CAMK1D: variants seen among roughly 807,000 people sequenced by gnomAD.
The protein encoded by CAMK1D is calcium/calmodulin-dependent protein kinase type 1D.
CAMK1D carries 9 observed loss-of-function variants against 47.7 expected under a neutral mutation model. The ratio of observed to expected loss-of-function variants is 0.19; its 90% CI spans 0.11 to 0.33. The LOEUF is 0.33. Among genes scored for constraint, CAMK1D ranks in the 10% least tolerant of loss-of-function variants. CAMK1D has a pLI of 1.00. For missense variants in CAMK1D, 291 were observed against 488.7 expected (o/e 0.60, Z 3.81); for synonymous variants, 184 against 184.9 (o/e 0.99, Z 0.04).
At chr10:12,723,946 T>A (rs1480776188) in intron 3 of CAMK1D, among the ~76,000 whole-genome samples, 1 of 152,110 alleles carries the variant, frequency 6.6e-6, no homozygotes, top group Admixed American at 6.5e-5. Context: ...TGTGTGATGT[T>A]CCCCTTCCTG....
intron 1 of CAMK1D, among the ~76,000 whole-genome samples, chr10:12,453,240 A>C (rs1833142428): frequency 6.8e-6 from 1 of 146,538 alleles, no homozygotes. Context: ...CCTAGGCTGG[A>C]GTGCAGTGGT....
chr10:12,790,150 C>A (rs960129288), intron 5 of CAMK1D, among the ~76,000 whole-genome samples: 4 of 152,342 alleles, frequency 2.6e-5, no homozygotes, highest in Non-Finnish European at 4.4e-5. Flanking sequence ...GCCCAAGCCC[C>A]CAGCATGGAT....
At chr10:12,827,198 CCCTG>C (rs1833241634) in intron 10 of CAMK1D, among the ~76,000 whole-genome samples, 5 of 151,354 alleles carry the variant, frequency 3.3e-5, no homozygotes, top group African/African-American at 1.2e-4. Flanking sequence ...TCTTTTCCCT[CCCTG>C]CCTCCCTCCT....
intron 3 of CAMK1D, among the ~76,000 whole-genome samples, chr10:12,729,950 G>T (rs757677175): frequency 1.2e-4 from 19 of 152,140 alleles, no homozygotes; most frequent in Non-Finnish European, 2.5e-4. Flanking sequence ...AGCGTTTTAG[G>T]CTCCCCAGGA....
chr10:12,510,656 C>T (rs980358383), intron 1 of CAMK1D, among the ~76,000 whole-genome samples: 3 of 152,184 alleles, frequency 2.0e-5, no homozygotes, highest in East Asian at 1.9e-4. Flanking sequence ...GACCCCCCTA[C>T]GAATTCAGTG....
chr10:12,491,676 A>G (rs1834388008), intron 1 of CAMK1D, among the ~76,000 whole-genome samples: 1 of 152,152 alleles, frequency 6.6e-6, no homozygotes, highest in East Asian at 1.9e-4. Context: ...AATCATGAGC[A>G]TTTCCCGCAG....
chr10:12,402,397 C>T (rs1839261866), intron 1 of CAMK1D, among the ~76,000 whole-genome samples: 1 of 151,462 alleles, frequency 6.6e-6, no homozygotes, highest in Non-Finnish European at 1.5e-5. Context: ...CCATGCCCAG[C>T]TAATTTTTGT....
At chr10:12,533,113 G>C (rs1835861950) in intron 1 of CAMK1D, among the ~76,000 whole-genome samples, 1 of 152,166 alleles carries the variant, frequency 6.6e-6, no homozygotes, top group East Asian at 1.9e-4. Context: ...ATAATTGCTT[G>C]AGGGGATGGG....
At chr10:12,756,226 T>A (rs1052244702) in intron 3 of CAMK1D, among the ~76,000 whole-genome samples, 2 of 152,232 alleles carry the variant, frequency 1.3e-5, no homozygotes, top group African/African-American at 4.8e-5. Context: ...GAATGTGTGG[T>A]TGATATTGTT....
intron 3 of CAMK1D, among the ~76,000 whole-genome samples, chr10:12,735,322 T>TA (rs1322749729): frequency 6.6e-6 from 1 of 151,538 alleles, no homozygotes; most frequent in Non-Finnish European, 1.5e-5. Context: ...CTAAAAATAT[T>TA]AAAAAATTAG....
intron 1 of CAMK1D, among the ~76,000 whole-genome samples, chr10:12,489,659 C>G (rs1002688929): frequency 3.9e-5 from 6 of 152,162 alleles, no homozygotes; most frequent in African/African-American, 1.4e-4. Context: ...GTTGGGGATG[C>G]CTGGTTTACA....
chr10:12,600,312 G>A (rs190812553), intron 2 of CAMK1D, among the ~76,000 whole-genome samples: 1 of 152,288 alleles, frequency 6.6e-6, no homozygotes, highest in African/African-American at 2.4e-5. Context: ...TCAACTCAAG[G>A]GGGACTTCAG....
At chr10:12,568,003 C>T (rs185814723) in intron 2 of CAMK1D, among the ~76,000 whole-genome samples, 1 of 151,004 alleles carries the variant, frequency 6.6e-6, no homozygotes, top group East Asian at 2.0e-4. Flanking sequence ...TTTTACTGAG[C>T]TTTCCTTTAA....
chr10:12,818,057 A>G (rs1480245653), intron 8 of CAMK1D, among the ~76,000 whole-genome samples: 1 of 152,172 alleles, frequency 6.6e-6, no homozygotes, highest in Non-Finnish European at 1.5e-5. Context: ...TAAAATACCA[A>G]AGATAATGAA....
At chr10:12,650,120 C>CTA (rs891340906) in intron 2 of CAMK1D, among the ~76,000 whole-genome samples, 6 of 152,250 alleles carry the variant, frequency 3.9e-5, no homozygotes, top group Non-Finnish European at 2.9e-5. Context: ...AGTCCCTCCT[C>CTA]TACCCTTGGA....
chr10:12,753,212 A>G (rs766062602), intron 3 of CAMK1D, among the ~76,000 whole-genome samples: 3 of 152,260 alleles, frequency 2.0e-5, no homozygotes, highest in East Asian at 3.8e-4. Context: ...AGATCGTGCC[A>G]CTGCATACCA....
intron 8 of CAMK1D, among the ~76,000 whole-genome samples, chr10:12,823,895 C>T (rs927801111): frequency 6.6e-6 from 1 of 151,746 alleles, no homozygotes; most frequent in African/African-American, 2.4e-5. Flanking sequence ...GTGGCAGGCT[C>T]AGCTCTGCTG....
At chr10:12,484,805 T>C in intron 1 of CAMK1D, among the ~76,000 whole-genome samples, 1 of 127,154 alleles carries the variant, frequency 7.9e-6, no homozygotes. Flanking sequence ...CTGCAGCTGC[T>C]CCTGTGGGCA....
chr10:12,587,317 T>TG (rs1291704638), intron 2 of CAMK1D, among the ~76,000 whole-genome samples: 1 of 152,134 alleles, frequency 6.6e-6, no homozygotes, highest in African/African-American at 2.4e-5. Flanking sequence ...GACAACAGTG[T>TG]GGAGCCCCTC....
Sources: allele counts gnomAD v4.1 joint callset (sites outside exome capture counted in the v4.1 genomes callset), GRCh38; gene constraint gnomAD v4.1.1; transcripts MANE v1.5; gene names NCBI Gene and HGNC (gene_info 2026-07-23, HGNC 2026-07-21).